The following URB1 variants were observed in gnomAD, a reference collection of about 807,000 sequenced individuals.
URB1 encodes the protein nucleolar pre-ribosomal-associated protein 1.
Under a neutral mutation model 242.3 loss-of-function variants are expected in URB1, and 197 were observed. The observed-to-expected ratio is 0.81, with a 90% CI of 0.72 to 0.91. The LOEUF (loss-of-function observed/expected upper bound fraction) is 0.91, where lower values mean the gene tolerates loss of function less well. URB1 is among the 40% of genes least tolerant of loss of function. URB1 has a pLI of 0.00. For missense variants in URB1, 2,721 were observed against 2,860.5 expected (o/e 0.95, Z 1.11); for synonymous variants, 1,153 against 1,201.8 (o/e 0.96, Z 0.84).
chr21:32,386,557 G>T (rs1249054630), intron 1 of URB1, among the ~76,000 whole-genome samples: 2 of 152,182 alleles, frequency 1.3e-5, no homozygotes, highest in Non-Finnish European at 2.9e-5. Context: ...AAACCATGAA[G>T]GCAATAAGGA....
chr21:32,312,060 T>C lies in URB1; in HGVS notation c.*2858A>G, dbSNP rs1382415277. The C allele has an allele frequency of 2.5e-6, 4 of 1,607,214 alleles. No homozygotes were observed. Among genetic ancestry groups the C allele is most frequent in the Admixed American group, 3.3e-5 (2 of 59,938 alleles). On this transcript the variant is annotated 3_prime_UTR_variant, in exon 39 of 39. Transcript: ENST00000382751. ...AATCAAGCCAACCTGGACACATACG[T>C]TCCTCGTTCTTCTTAGAGGCCATTT...
chr21:32,377,562 T>C (rs1368415067), intron 5 of URB1, among the ~76,000 whole-genome samples: 1 of 151,890 alleles, frequency 6.6e-6, no homozygotes, highest in African/African-American at 2.4e-5. Flanking sequence ...CGCTGCATTA[T>C]GCAGAGACCA....
chr21:32,360,895 G>T lies in URB1; in HGVS notation c.1756+112C>A, dbSNP rs1601145186. 1.2e-5 allele frequency: 8 copies of T among 650,694 alleles called. No homozygotes were observed. The Admixed American group carries it at 1.8e-4, about 14-fold the overall frequency. The allele number at this position is 650,694 out of a possible 1,614,324, so 40.3% of individuals were successfully genotyped here. A position where few individuals can be genotyped will look rare whatever the true frequency, so the allele number is the denominator to read the frequency against. On this transcript the variant is annotated intron_variant, in intron 13 of 38. Coordinates refer to ENST00000382751, the MANE Select transcript of URB1 (RefSeq NM_014825.3). The stretch of plus-strand genomic sequence containing the variant: ...GCAAGTACAATTTCTCAGGCTGACG[G>T]ATGAGCACGCAGCCAACCGTCCACC...
At chr21:32,330,486 A>AG (rs200955657) in intron 30 of URB1, among the ~76,000 whole-genome samples, 3,857 of 148,310 alleles carry the variant, frequency 0.026, 154 homozygotes, top group African/African-American at 0.088. Flanking sequence ...TCCCAGACCA[A>AG]GGGAAAAAAA....
chr21:32,354,178 C>T (rs1428420989), intron 17 of URB1, 75 bp from the exon 18 acceptor site: 3 of 1,503,130 alleles, frequency 2.0e-6, no homozygotes, highest in East Asian at 2.5e-5. Flanking sequence ...CACAGGGAGG[C>T]AGAAGCAGAA....
At chr21:32,328,732 G>A (rs1213734839) in intron 30 of URB1, among the ~76,000 whole-genome samples, 1 of 152,202 alleles carries the variant, frequency 6.6e-6, no homozygotes, top group African/African-American at 2.4e-5. Context: ...ACGTGTCCAT[G>A]AGGAAAAGTC....
At chr21:32,375,809 G>A (rs1021692972) in intron 5 of URB1, among the ~76,000 whole-genome samples, 6 of 151,954 alleles carry the variant, frequency 3.9e-5, no homozygotes, top group Admixed American at 3.9e-4. Context: ...AGCTGGGTAT[G>A]GTGGTGCGCA....
At chr21:32,368,746 G>T in intron 8 of URB1, 148 bp from the exon 9 acceptor site, 1 of 683,602 alleles carries the variant, frequency 1.5e-6, no homozygotes, top group Non-Finnish European at 2.4e-6. Context: ...TAAAGTGGGG[G>T]TTCCGTGGCC....
intron 22 of URB1, among the ~76,000 whole-genome samples, chr21:32,346,366 G>C (rs2033086075): frequency 6.6e-6 from 1 of 152,336 alleles, no homozygotes; most frequent in African/African-American, 2.4e-5. Flanking sequence ...TAGAAGACTT[G>C]CAGGGCACTG....
At position 32,356,261 on chromosome 21, in the gene URB1, G is replaced by A. The variant is rs7282011; in HGVS notation, c.1990-696C>T. The stretch of plus-strand genomic sequence containing the variant: ...AAAGTAGCCGGGTTAGTGGTGGTGC[G>A]CACACATGTGGCCCTAGCTACTCAG... On this transcript the variant is annotated intron_variant, in intron 15 of 38. Transcript: ENST00000382751. 8.9e-3 allele frequency among the ~76,000 whole-genome samples: 1,349 copies of A among 152,226 alleles called. 22 individuals are homozygous for A. The highest frequency in any genetic ancestry group is 0.031 in the African/African-American group (1,279 of 41,516).
chr21:32,330,216 T>C (rs1178824172), intron 30 of URB1, among the ~76,000 whole-genome samples: 2 of 148,190 alleles, frequency 1.3e-5, no homozygotes, highest in African/African-American at 5.2e-5. Context: ...TTTTTTTTTT[T>C]TTTTGGGTAT....
In URB1 at chr21:32,360,996, T is replaced by G; in HGVS notation, c.1756+11A>C. Reference sequence around the variant, plus strand: ...ACAGTGGCGGCTTGTCTGCAAGACCTTGAAACCCACCTTTCAGGAGCTTGC... The same window carrying G: ...ACAGTGGCGGCTTGTCTGCAAGACCGTGAAACCCACCTTTCAGGAGCTTGC... On this transcript the variant is annotated intron_variant, in intron 13 of 38. Transcript: ENST00000382751. 2 of 1,539,328 alleles carry G rather than the reference T, an allele frequency of 1.3e-6. No homozygotes were observed. The highest frequency in any genetic ancestry group is 2.4e-5 in the South Asian group (2 of 81,740).
At chr21:32,315,845 C>T (rs1353252361) in intron 38 of URB1, among the ~76,000 whole-genome samples, 1 of 152,202 alleles carries the variant, frequency 6.6e-6, no homozygotes, top group African/African-American at 2.4e-5. Flanking sequence ...TGAGCCTACC[C>T]GATAGGCTGC....
At chr21:32,363,390 T>C in intron 10 of URB1, 61 bp from the exon 11 acceptor site, 1 of 1,505,654 alleles carries the variant, frequency 6.6e-7, no homozygotes, top group South Asian at 1.3e-5. Context: ...TGCTAAGCTA[T>C]GGGCTTGGCT....
intron 31 of URB1, among the ~76,000 whole-genome samples, chr21:32,324,911 C>T (rs921489603): frequency 5.3e-5 from 8 of 151,938 alleles, no homozygotes; most frequent in Non-Finnish European, 1.0e-4. Flanking sequence ...TTCAGTGTGT[C>T]GTGGATAATA....
intron 30 of URB1, among the ~76,000 whole-genome samples, chr21:32,327,312 CAG>C (rs2032841015): frequency 6.6e-6 from 1 of 151,900 alleles, no homozygotes; most frequent in South Asian, 2.1e-4. Context: ...ATTCAGAAAC[CAG>C]AGGAGCAACT....
intron 22 of URB1, among the ~76,000 whole-genome samples, chr21:32,346,410 G>C (rs557003917): frequency 6.6e-6 from 1 of 152,338 alleles, no homozygotes; most frequent in African/African-American, 2.4e-5. Context: ...ATCAATGATA[G>C]GAAGTTATGC....
At chr21:32,340,185 A>G (rs1235760019) in intron 25 of URB1, among the ~76,000 whole-genome samples, 2 of 152,192 alleles carry the variant, frequency 1.3e-5, no homozygotes, top group Non-Finnish European at 2.9e-5. Context: ...CTCTGTTTCA[A>G]GTTCATGGGA....
At chr21:32,357,822 G>A (rs1049747953) in intron 14 of URB1, among the ~76,000 whole-genome samples, 166 bp from the exon 15 acceptor site, 2 of 152,162 alleles carry the variant, frequency 1.3e-5, no homozygotes, top group Admixed American at 1.3e-4. Flanking sequence ...GAGGTCACGC[G>A]TTGGAGACGA....
Sources: gnomAD v4.1 joint callset for allele counts (sites outside exome capture counted in the v4.1 genomes callset) on GRCh38, gnomAD v4.1.1 for gene constraint, MANE v1.5 for transcripts, NCBI Gene and HGNC (gene_info 2026-07-23, HGNC 2026-07-21) for gene names.